The following CASP5 variants were observed in gnomAD, a reference collection of about 807,000 sequenced individuals.
CASP5 encodes the protein caspase 5, also known as caspase-5.
Under a neutral mutation model 45.2 loss-of-function variants are expected in CASP5, and 42 were observed. The observed-to-expected ratio is 0.93, with a 90% CI of 0.73 to 1.20. The LOEUF (loss-of-function observed/expected upper bound fraction) is 1.20. Ranked by LOEUF, CASP5 falls within the 50% of genes most tolerant of loss-of-function variation. The pLI is 0.00. For missense variants in CASP5, 512 were observed against 532.2 expected (o/e 0.96, Z 0.37); for synonymous variants, 209 against 186.2 (o/e 1.12, Z -1.00).
At chr11:105,018,726 G>A (rs527896833) in intron 1 of CASP5, among the ~76,000 whole-genome samples, 13 of 145,624 alleles carry the variant, frequency 8.9e-5, no homozygotes, top group Admixed American at 8.6e-4. Context: ...ACACCCCACT[G>A]TCAACATTAG....
intron 1 of CASP5, among the ~76,000 whole-genome samples, chr11:105,017,546 A>C (rs1200093905): frequency 6.6e-6 from 1 of 152,340 alleles, no homozygotes; most frequent in East Asian, 1.9e-4. Context: ...AACTGGAAGA[A>C]AGGGTATCAG....
At chr11:105,020,170 G>A (rs1325151933) in intron 1 of CASP5, among the ~76,000 whole-genome samples, 2 of 145,634 alleles carry the variant, frequency 1.4e-5, no homozygotes, top group Admixed American at 7.3e-5. Context: ...AATAATAAGA[G>A]CTATCTATGA....
chr11:105,020,393 T>G (rs1862886026), intron 1 of CASP5, among the ~76,000 whole-genome samples: 2 of 151,388 alleles, frequency 1.3e-5, no homozygotes, highest in South Asian at 4.2e-4. Flanking sequence ...GACATGATTG[T>G]ATATCTAGAA....
At chr11:105,001,425 G>A (rs1352976702) in intron 5 of CASP5, among the ~76,000 whole-genome samples, 1 of 152,212 alleles carries the variant, frequency 6.6e-6, no homozygotes, top group Non-Finnish European at 1.5e-5. Flanking sequence ...CCAGCACTTT[G>A]GGAGGCCAAG....
rs1861825151 is a variant in CASP5, at chr11:105,003,135, G to C, written c.543+139C>G. On this transcript the variant is annotated intron_variant, in intron 4 of 9. Transcript: ENST00000260315. ...GAATCTCTTGAGCCCATGTGTTCAA[G>C]ATAGCAGTCAGCTATGATCACACCA... is the stretch of plus-strand genomic sequence containing the variant. 4.7e-6 allele frequency: 3 copies of C among 632,018 alleles called. No homozygotes were observed. The Admixed American group carries it at 9.5e-5, about 20-fold the overall frequency. 39.2% of individuals were successfully genotyped at this position (632,018 alleles called of 1,614,324 possible).
intron 1 of CASP5, among the ~76,000 whole-genome samples, chr11:105,021,759 A>G (rs34596736): frequency 6.9e-6 from 1 of 144,128 alleles, no homozygotes; most frequent in African/African-American, 2.5e-5. Flanking sequence ...TGGCGATTCC[A>G]CAGGGATCTA....
At chr11:104,999,724 C>G (rs1266736110) in intron 6 of CASP5, among the ~76,000 whole-genome samples, 1 of 151,442 alleles carries the variant, frequency 6.6e-6, no homozygotes, top group Non-Finnish European at 1.5e-5. Context: ...CTTAAAGAAA[C>G]AAAACAAAAT....
At chr11:105,014,332 G>A (rs1180541956) in intron 1 of CASP5, among the ~76,000 whole-genome samples, 2 of 151,966 alleles carry the variant, frequency 1.3e-5, no homozygotes, top group Non-Finnish European at 2.9e-5. Flanking sequence ...ATTCTCTGAG[G>A]GGAGACAATG....
chr11:105,017,832 G>A (rs906755290), intron 1 of CASP5, among the ~76,000 whole-genome samples: 2 of 151,814 alleles, frequency 1.3e-5, no homozygotes, highest in African/African-American at 4.8e-5. Flanking sequence ...CTCGAGAAGA[G>A]CAACTCCAAG....
intron 1 of CASP5, among the ~76,000 whole-genome samples, chr11:105,022,830 C>T (rs517736): frequency 0.15 from 23,217 of 151,944 alleles, 2,038 homozygotes; most frequent in Admixed American, 0.25. Context: ...TAGAAATTTC[C>T]GGAGTTTTCT....
At chr11:105,018,183 T>C (rs1055169249) in intron 1 of CASP5, among the ~76,000 whole-genome samples, 1 of 151,612 alleles carries the variant, frequency 6.6e-6, no homozygotes, top group Non-Finnish European at 1.5e-5. Flanking sequence ...GAACAACCGG[T>C]ACCAGCCGCT....
chr11:105,001,841 A>G (rs918152599), intron 5 of CASP5, among the ~76,000 whole-genome samples, 187 bp downstream of exon 5: 3 of 152,176 alleles, frequency 2.0e-5, no homozygotes, highest in African/African-American at 7.2e-5. Context: ...TTGAGGCTCA[A>G]AAGAGACACT....
chr11:105,007,159 C>T lies in CASP5; in HGVS notation c.357G>A (p.Leu119=), dbSNP rs369797362. ...TTTGATGAGCCACGCGATTCTTTCG[C>T]AAAGAGTCTACCAAGATCAGGGCCT... ...EDKALILVDS[L]RKNRVAHQMF... is the part of the protein sequence containing the mutation. The change falls in exon 3 of 10, where the codon TTG becomes TTA. Residue 119 remains leucine (L), a synonymous_variant. Coordinates refer to ENST00000260315, the MANE Select transcript of CASP5 (RefSeq NM_004347.5). The T allele has an allele frequency of 1.4e-4, 227 of 1,613,678 alleles. No homozygotes were observed. Among genetic ancestry groups the T allele is most frequent in the Non-Finnish European group, 1.8e-4 (208 of 1,179,754 alleles).
rs1171433011 is a variant in CASP5 at position 105,000,271 on chromosome 11, G to A, written c.942C>T (p.Ala314=). 6.2e-7 allele frequency: 1 copy of A among 1,614,074 alleles called. No homozygotes were observed. Among genetic ancestry groups the A allele is most frequent in the African/African-American group, 1.3e-5 (1 of 74,918 alleles). The part of the protein sequence containing the change: ...KDKPKVIIVQ[A]CRGEKHGELW... ...AGCCTCAGCACTCACCACCTCTGCAGGCCTGGACAATGATGACCTTGGGTT... is the reference window on the plus strand; with the variant it reads ...AGCCTCAGCACTCACCACCTCTGCAAGCCTGGACAATGATGACCTTGGGTT... The change falls in exon 6 of 10, where the codon GCC becomes GCT. Residue 314 remains alanine (A), a synonymous_variant. Transcript: ENST00000260315.
intron 3 of CASP5, among the ~76,000 whole-genome samples, chr11:105,004,582 G>A (rs1268839631): frequency 6.6e-6 from 1 of 152,058 alleles, no homozygotes; most frequent in Admixed American, 6.6e-5. Context: ...TAGGAATCAT[G>A]AGTAAAGTAA....
At chr11:105,019,949 T>G (rs547596431) in intron 1 of CASP5, among the ~76,000 whole-genome samples, 1 of 145,820 alleles carries the variant, frequency 6.9e-6, no homozygotes, top group African/African-American at 2.5e-5. Context: ...ATCAAAAAGC[T>G]TATCCACCAT....
At chr11:105,016,682 G>C (rs1487118226) in intron 1 of CASP5, among the ~76,000 whole-genome samples, 8 of 152,314 alleles carry the variant, frequency 5.3e-5, no homozygotes, top group East Asian at 1.9e-4. Context: ...CTGATTGCTA[G>C]CACAGCAGTC....
intron 3 of CASP5, among the ~76,000 whole-genome samples, chr11:105,003,867 A>G (rs1477848495): frequency 6.6e-6 from 1 of 150,636 alleles, no homozygotes; most frequent in Admixed American, 6.6e-5. Flanking sequence ...TTGTAATAAT[A>G]TATTTATTTA....
At position 105,009,765 on chromosome 11, in the gene CASP5, ACACACG is replaced by A. The variant is rs1222538626; in HGVS notation, c.8-791_8-786del. On this transcript the variant is annotated intron_variant, in intron 1 of 9. Transcript: ENST00000260315. ...TATATATATATATATATATACACAC[ACACACG>A]TATATATATATATATACACACGTAT... 9.1e-4 allele frequency among the ~76,000 whole-genome samples: 73 copies of A among 80,580 alleles called. 3 individuals are homozygous for A. Among genetic ancestry groups the A allele is most frequent in the African/African-American group, 3.2e-3 (69 of 21,308 alleles). 52.9% of individuals were successfully genotyped at this position (80,580 alleles called of 152,430 possible).
Sources: allele counts gnomAD v4.1 joint callset (sites outside exome capture counted in the v4.1 genomes callset), GRCh38; gene constraint gnomAD v4.1.1; transcripts MANE v1.5; gene names NCBI Gene and HGNC (gene_info 2026-07-23, HGNC 2026-07-21).